Variants in KCNQ5 observed in about 807,000 individuals in gnomAD.
The protein encoded by KCNQ5 is potassium voltage-gated channel subfamily Q member 5.
A neutral mutation model predicts 98.2 loss-of-function variants in KCNQ5; 30 were observed. The observed-to-expected ratio is 0.31, with a 90% CI of 0.23 to 0.41. KCNQ5 has a LOEUF of 0.41. Ranked by LOEUF, KCNQ5 falls within the 10% of genes least tolerant of loss-of-function variation. The pLI is 1.00. For synonymous variants in KCNQ5, 458 were observed against 449.4 expected (o/e 1.02, Z -0.24); for missense variants, 835 against 1,182.5 (o/e 0.71, Z 4.31).
At chr6:73,129,512 T>C (rs1776132079) in intron 9 of KCNQ5, among the ~76,000 whole-genome samples, 1 of 152,232 alleles carries the variant, frequency 6.6e-6, no homozygotes, top group Admixed American at 6.5e-5. Context: ...CAGGGGTAGC[T>C]ATATTCTAAA....
intron 1 of KCNQ5, among the ~76,000 whole-genome samples, chr6:72,899,567 T>C (rs1318567150): frequency 1.3e-5 from 2 of 152,166 alleles, no homozygotes; most frequent in Non-Finnish European, 2.9e-5. Context: ...TAATAAAATA[T>C]ATTTTTCTTA....
intron 1 of KCNQ5, among the ~76,000 whole-genome samples, chr6:72,734,858 T>C (rs1316330577): frequency 6.6e-6 from 1 of 152,240 alleles, no homozygotes; most frequent in Non-Finnish European, 1.5e-5. Context: ...TTCTCAGCTA[T>C]AAAATCAAGA....
intron 7 of KCNQ5, among the ~76,000 whole-genome samples, chr6:73,116,142 A>C (rs1254306264): frequency 6.6e-6 from 1 of 152,206 alleles, no homozygotes; most frequent in Admixed American, 6.5e-5. Context: ...AGAAAGAAAG[A>C]GCAGCCATAG....
chr6:72,998,875 G>C (rs1239704019), intron 1 of KCNQ5, among the ~76,000 whole-genome samples: 1 of 152,190 alleles, frequency 6.6e-6, no homozygotes, highest in Non-Finnish European at 1.5e-5. Context: ...GTGGAAATGT[G>C]TGGTTGCTTC....
chr6:73,038,313 A>G (rs939809477), intron 2 of KCNQ5, among the ~76,000 whole-genome samples: 71 of 151,376 alleles, frequency 4.7e-4, no homozygotes, highest in Non-Finnish European at 1.6e-4. Context: ...CCATTTGTAA[A>G]TAGAGACCAT....
chr6:72,634,859 C>T (rs970536369), intron 1 of KCNQ5, among the ~76,000 whole-genome samples: 3 of 152,096 alleles, frequency 2.0e-5, no homozygotes, highest in Non-Finnish European at 4.4e-5. Context: ...TGAGCCACTG[C>T]GCCCGGCCTT....
At chr6:72,717,533 C>G (rs1281496606) in intron 1 of KCNQ5, among the ~76,000 whole-genome samples, 1 of 152,148 alleles carries the variant, frequency 6.6e-6, no homozygotes. Flanking sequence ...AGAGAACATT[C>G]TTGGATGTTA....
chr6:72,904,271 G>C (rs1020782073), intron 1 of KCNQ5, among the ~76,000 whole-genome samples: 3 of 152,044 alleles, frequency 2.0e-5, no homozygotes, highest in Non-Finnish European at 4.4e-5. Context: ...TGTCTTAAAG[G>C]CAGCAGATAG....
intron 10 of KCNQ5, among the ~76,000 whole-genome samples, chr6:73,163,054 AAAAT>A (rs1777671644): frequency 6.6e-6 from 1 of 152,170 alleles, no homozygotes; most frequent in South Asian, 2.1e-4. Flanking sequence ...AGTGGGTTGG[AAAAT>A]AAATGAATGA....
chr6:72,934,783 A>G (rs1452935280), intron 1 of KCNQ5, among the ~76,000 whole-genome samples: 1 of 152,104 alleles, frequency 6.6e-6, no homozygotes, highest in Non-Finnish European at 1.5e-5. Flanking sequence ...CACTCCACTG[A>G]TCAACAATGT....
chr6:72,860,116 C>A (rs983024598), intron 1 of KCNQ5, among the ~76,000 whole-genome samples: 3 of 152,236 alleles, frequency 2.0e-5, no homozygotes, highest in African/African-American at 7.2e-5. Context: ...AGAGACAGGT[C>A]CAATGAAACA....
intron 11 of KCNQ5, among the ~76,000 whole-genome samples, chr6:73,186,205 T>G (rs1778565729): frequency 6.6e-6 from 1 of 151,866 alleles, no homozygotes; most frequent in African/African-American, 2.4e-5. Flanking sequence ...CCACCTGGCG[T>G]GACAGAGTGA....
At chr6:73,187,883 G>A (rs1765442048) in intron 11 of KCNQ5, among the ~76,000 whole-genome samples, 1 of 152,118 alleles carries the variant, frequency 6.6e-6, no homozygotes. Flanking sequence ...AGAGAGAAAA[G>A]CAACAAGCAA....
chr6:72,678,525 A>C (rs1228027831), intron 1 of KCNQ5: 1 of 105,884 alleles, frequency 9.4e-6, no homozygotes, highest in Admixed American at 9.6e-5. Flanking sequence ...TTCCAAATGC[A>C]TAACAAAAAA....
intron 1 of KCNQ5, among the ~76,000 whole-genome samples, chr6:72,883,998 T>C (rs895952966): frequency 6.6e-6 from 1 of 152,200 alleles, no homozygotes; most frequent in Non-Finnish European, 1.5e-5. Flanking sequence ...CTTGTAAGAA[T>C]CAATATTCTT....
chr6:73,005,457 G>A (rs1380795750), intron 2 of KCNQ5, among the ~76,000 whole-genome samples: 1 of 152,146 alleles, frequency 6.6e-6, no homozygotes, highest in Non-Finnish European at 1.5e-5. Context: ...TCAATCATTA[G>A]GAATCTCATG....
At chr6:72,872,419 G>A (rs566033336) in intron 1 of KCNQ5, among the ~76,000 whole-genome samples, 77 of 152,288 alleles carry the variant, frequency 5.1e-4, no homozygotes, top group African/African-American at 1.8e-3. Flanking sequence ...TTTGTCTTGT[G>A]AGTCTCAGCA....
At chr6:73,170,525 G>A (rs1387368403) in intron 11 of KCNQ5, among the ~76,000 whole-genome samples, 1 of 147,154 alleles carries the variant, frequency 6.8e-6, no homozygotes, top group Non-Finnish European at 1.5e-5. Context: ...ACCCTTTTGG[G>A]AGAATTTGTA....
intron 1 of KCNQ5, among the ~76,000 whole-genome samples, chr6:72,995,038 G>A (rs113879950): frequency 1.6e-3 from 244 of 152,220 alleles, no homozygotes; most frequent in African/African-American, 5.7e-3. Context: ...ACAATTCCTA[G>A]AAATATTCTA....
Sources: gnomAD v4.1 joint callset for allele counts (sites outside exome capture counted in the v4.1 genomes callset) on GRCh38, gnomAD v4.1.1 for gene constraint, MANE v1.5 for transcripts, NCBI Gene and HGNC (gene_info 2026-07-23, HGNC 2026-07-21) for gene names.